PKD1L3: variants seen among roughly 807,000 people sequenced by gnomAD.
The protein encoded by PKD1L3 is polycystin-1-like protein 3.
A neutral mutation model predicts 184.1 loss-of-function variants in PKD1L3; 239 were observed. The observed-to-expected ratio is 1.30, with a 90% CI of 1.17 to 1.45. The LOEUF (loss-of-function observed/expected upper bound fraction) is 1.45, where lower values mean the gene tolerates loss of function less well. Among genes scored for constraint, PKD1L3 ranks in the 40% most tolerant of loss-of-function variants. The pLI is 0.00. For missense variants in PKD1L3, 2,660 were observed against 2,067.2 expected (o/e 1.29, Z -5.56); for synonymous variants, 996 against 778.8 (o/e 1.28, Z -4.64).
rs564186534 is a variant in PKD1L3, at chr16:71,968,027, A to G, written c.2185-20T>C. On this transcript the variant is annotated intron_variant, in intron 13 of 29. Coordinates refer to ENST00000620267, the MANE Select transcript of PKD1L3 (RefSeq NM_181536.2). ...CTTCACCTGCAAGAAAAGCAGAACC[A>G]TGCAACTTACTAGGCCTCCACTTGG... The G allele has an allele frequency of 3.3e-6, 5 of 1,537,348 alleles. No homozygotes were observed. The Admixed American group carries it at 9.8e-5, about 30-fold the overall frequency.
At chr16:71,938,257 C>T (rs572914900) in intron 24 of PKD1L3, among the ~76,000 whole-genome samples, 6 of 152,246 alleles carry the variant, frequency 3.9e-5, no homozygotes, top group Non-Finnish European at 8.8e-5. Context: ...GGTGTGTGTG[C>T]GCTTGGGGCA....
chr16:71,963,249 G>T lies in PKD1L3; in HGVS notation c.2568C>A (p.Asp856Glu). ...TCTTTGAAACTGGGATGAAGACCCGGTCAAGCTCACAGTCTCCGAGGTCCA... is the reference window on the plus strand; with the variant it reads ...TCTTTGAAACTGGGATGAAGACCCGTTCAAGCTCACAGTCTCCGAGGTCCA... ...LAVDLGDCEL[D>E]RVFIPVSKRE... Residue 856 changes from aspartate (D) to glutamate (E), a missense_variant, in exon 16 of 30, where the codon GAC becomes GAA. Physicochemically the swap from Asp to Glu is conservative, Grantham distance 45. Coordinates refer to ENST00000620267, the MANE Select transcript of PKD1L3 (RefSeq NM_181536.2). The T allele has an allele frequency of 6.4e-7, 1 of 1,551,206 alleles. No homozygotes were observed. The highest frequency in any genetic ancestry group is 8.7e-7 in the Non-Finnish European group (1 of 1,146,754).
chr16:71,933,789 A>T, intron 27 of PKD1L3, 126 bp downstream of exon 27: 2 of 1,046,902 alleles, frequency 1.9e-6, no homozygotes, highest in Non-Finnish European at 2.8e-6. Context: ...GTGTGGAACT[A>T]GATCTAAACC....
At chr16:71,971,843 G>A (rs527467435) in intron 12 of PKD1L3, among the ~76,000 whole-genome samples, 1 of 152,140 alleles carries the variant, frequency 6.6e-6, no homozygotes. Context: ...CACTTTGAGA[G>A]GCCAAGGCGG....
chr16:71,988,724 G>A (rs1299366651), intron 4 of PKD1L3, among the ~76,000 whole-genome samples: 3 of 152,226 alleles, frequency 2.0e-5, no homozygotes, highest in Admixed American at 2.0e-4. Context: ...TAAGATAAAC[G>A]GGAGAAAAGC....
chr16:71,963,488 A>C, intron 15 of PKD1L3, 137 bp from the exon 16 acceptor site: 1 of 997,278 alleles, frequency 1.0e-6, no homozygotes, highest in Non-Finnish European at 1.4e-6. Flanking sequence ...TAAGGAAAGG[A>C]AAGAAAGTTG....
chr16:71,970,000 T>C lies in PKD1L3; in HGVS notation c.2059A>G (p.Thr687Ala). ...GTCACGCGAAGGAACAGTTTGATCG[T>C]GTCTTCAACATTCACGGTCCTGGGC... The part of the protein sequence containing the change: ...VVPRTVNVED[T>A]IKLFLRVTNN... Residue 687 changes from threonine (T) to alanine (A), a missense_variant, in exon 13 of 30, where the codon ACG becomes GCG. By Grantham distance (58) the Thr-to-Ala change is moderately conservative. Coordinates refer to ENST00000620267, the MANE Select transcript of PKD1L3 (RefSeq NM_181536.2). 1 of 1,551,738 alleles carries C rather than the reference T, an allele frequency of 6.4e-7. No homozygotes were observed. The highest frequency in any genetic ancestry group is 8.7e-7 in the Non-Finnish European group (1 of 1,147,016).
At chr16:71,976,783 C>G (rs1378168271) in intron 11 of PKD1L3, among the ~76,000 whole-genome samples, 1 of 152,098 alleles carries the variant, frequency 6.6e-6, no homozygotes, top group Non-Finnish European at 1.5e-5. Context: ...GTCTCTGTCT[C>G]CCAGGCTGGA....
At position 71,967,906 on chromosome 16, in the gene PKD1L3, C is replaced by T. The variant is rs1381581415; in HGVS notation, c.2286G>A (p.Lys762=). The change falls in exon 14 of 30, where the codon AAG becomes AAA. Residue 762 remains lysine (K), a splice_region_variant and synonymous_variant. Coordinates refer to ENST00000620267, the MANE Select transcript of PKD1L3 (RefSeq NM_181536.2). ...TGTGAAAAACATTTATTTCATTAAC[C>T]TTAGCTGTTGTAGCAGCGCTTCTTC... is the stretch of plus-strand genomic sequence containing the variant. ...GYRRSAATTA[K]VVITLYGSEG... is the part of the protein sequence containing the mutation. 8.4e-6 allele frequency: 13 copies of T among 1,547,694 alleles called. No individual in the cohort carries two copies. The Admixed American group carries it at 2.2e-4, about 26-fold the overall frequency.
chr16:71,973,270 G>C (rs562333985), intron 12 of PKD1L3, 54 bp downstream of exon 12: 1 of 1,517,940 alleles, frequency 6.6e-7, no homozygotes, highest in East Asian at 2.5e-5. Flanking sequence ...GATGCATTGG[G>C]CTTAACAGTA....
At position 71,988,203 on chromosome 16, in the gene PKD1L3, T is replaced by G. The variant is rs1038791684; in HGVS notation, c.586-1734A>C. Among the ~76,000 whole-genome samples, 3 of 152,130 alleles carry G rather than the reference T, an allele frequency of 2.0e-5. No homozygotes were observed. The South Asian group carries it at 6.2e-4, about 31-fold the overall frequency. ...TGTAAAAGTTCATTTGTAAATTTTT[T>G]TTTTGTTTTGAAATCGTGTCTCCTT... On this transcript the variant is annotated intron_variant, in intron 4 of 29. Transcript: ENST00000620267.
At chr16:71,955,474 C>A (rs910804685) in intron 16 of PKD1L3, among the ~76,000 whole-genome samples, 1 of 151,922 alleles carries the variant, frequency 6.6e-6, no homozygotes, top group Non-Finnish European at 1.5e-5. Flanking sequence ...AACACACACA[C>A]ATAACAGAAT....
At chr16:71,963,393 G>C (rs568436324) in intron 15 of PKD1L3, 42 bp from the exon 16 acceptor site, 52 of 1,499,388 alleles carry the variant, frequency 3.5e-5, no homozygotes, top group Non-Finnish European at 4.3e-5. Flanking sequence ...AGATGGGCTT[G>C]AATCAGTTGT....
At chr16:71,940,132 AC>A (rs773547026) in intron 24 of PKD1L3, among the ~76,000 whole-genome samples, 2 of 152,134 alleles carry the variant, frequency 1.3e-5, no homozygotes, top group Non-Finnish European at 2.9e-5. Context: ...ATATATATAA[AC>A]AACAACTAGA....
rs563730055 is a variant in PKD1L3 at position 71,956,081 on chromosome 16, C to T, written c.2613-1780G>A. 3.3e-5 allele frequency among the ~76,000 whole-genome samples: 5 copies of T among 151,958 alleles called. No individual in the cohort carries two copies. In the East Asian group the frequency reaches 7.7e-4, roughly 24 times the overall value. ...CCATGTTGCCCAGGCTGGTCTCGAA[C>T]TCCTGAGCTCAAGTGATCCACTTGT... On this transcript the variant is annotated intron_variant, in intron 16 of 29. Coordinates refer to ENST00000620267, the MANE Select transcript of PKD1L3 (RefSeq NM_181536.2).
intron 11 of PKD1L3, among the ~76,000 whole-genome samples, chr16:71,976,172 TCCTGA>T (rs2039912355): frequency 6.6e-6 from 1 of 151,670 alleles, no homozygotes; most frequent in African/African-American, 2.4e-5. Flanking sequence ...AGTCTTAAAC[TCCTGA>T]CCTAAGTTGA....
In PKD1L3 at chr16:71,929,733, G is replaced by T. The variant is rs544343872; in HGVS notation, c.5059-55C>A. 8.8e-5 allele frequency: 126 copies of T among 1,425,326 alleles called. No homozygotes were observed. The East Asian group carries it at 3.1e-3, about 35-fold the overall frequency. The allele number at this position is 1,425,326 out of a possible 1,614,324, so 88.3% of individuals were successfully genotyped here. A position where few individuals can be genotyped will look rare whatever the true frequency, so the allele number is the denominator to read the frequency against. On this transcript the variant is annotated intron_variant, in intron 29 of 29. Transcript: ENST00000620267. ...GAGAAAATTGAAATTACTGCTAATA[G>T]TGGAGTAAAAAAAGTACCAAAGATT...
At chr16:71,985,136 A>C (rs1257131420) in intron 5 of PKD1L3, among the ~76,000 whole-genome samples, 1 of 152,188 alleles carries the variant, frequency 6.6e-6, no homozygotes, top group Non-Finnish European at 1.5e-5. Context: ...AATCCTCTTA[A>C]TATTTCTAAT....
chr16:71,938,447 C>G (rs2038254065), intron 24 of PKD1L3, among the ~76,000 whole-genome samples: 1 of 152,232 alleles, frequency 6.6e-6, no homozygotes, highest in East Asian at 1.9e-4. Flanking sequence ...GGCAGACAGG[C>G]TCCTGGGCAG....
Sources: gnomAD v4.1 joint callset for allele counts (sites outside exome capture counted in the v4.1 genomes callset) on GRCh38, gnomAD v4.1.1 for gene constraint, MANE v1.5 for transcripts, NCBI Gene and HGNC (gene_info 2026-07-23, HGNC 2026-07-21) for gene names.